The following AFTPH variants were observed in gnomAD, a reference collection of about 807,000 sequenced individuals.
The protein encoded by AFTPH is aftiphilin, also known as aftiphilin protein.
AFTPH carries 7 observed loss-of-function variants against 72.5 expected under a neutral mutation model. That is an observed-to-expected ratio of 0.10 (90% CI 0.05 to 0.18). The LOEUF is 0.18. Ranked by LOEUF, AFTPH falls within the 10% of genes least tolerant of loss-of-function variation. The probability of loss-of-function intolerance (pLI) is 1.00; values close to 1 mark genes in which losing one functional copy is unlikely to be tolerated. For synonymous variants in AFTPH, 337 were observed against 370.1 expected (o/e 0.91, Z 1.03); for missense variants, 979 against 1,060.5 (o/e 0.92, Z 1.07).
intron 1 of AFTPH, among the ~76,000 whole-genome samples, chr2:64,546,908 G>T (rs1670668885): frequency 6.6e-6 from 1 of 151,958 alleles, no homozygotes; most frequent in South Asian, 2.1e-4. Flanking sequence ...AATTAGCCAG[G>T]CGTGGTGGCA....
intron 1 of AFTPH, among the ~76,000 whole-genome samples, chr2:64,536,886 G>C (rs1375823321): frequency 2.0e-5 from 3 of 147,236 alleles, no homozygotes; most frequent in Admixed American, 6.9e-5. Context: ...CCAGGAGGCA[G>C]AGGCAGCAGT....
At chr2:64,567,765 T>C (rs771392458) in intron 3 of AFTPH, 52 bp downstream of exon 3, 4 of 1,558,964 alleles carry the variant, frequency 2.6e-6, no homozygotes, top group Non-Finnish European at 8.7e-7. Flanking sequence ...TTTTTAGTAG[T>C]TCTAATTTAT....
At chr2:64,579,582 A>G (rs1673044031) in intron 7 of AFTPH, 36 bp downstream of exon 7, 3 of 1,574,154 alleles carry the variant, frequency 1.9e-6, no homozygotes, top group Non-Finnish European at 2.6e-6. Flanking sequence ...CACCAGAGCT[A>G]GAGTTAAGAA....
At chr2:64,581,528 T>TA (rs1257443351) in intron 7 of AFTPH, among the ~76,000 whole-genome samples, 1 of 152,212 alleles carries the variant, frequency 6.6e-6, no homozygotes, top group African/African-American at 2.4e-5. Context: ...CTTAGACAGT[T>TA]AAAGGCAGGG....
intron 1 of AFTPH, among the ~76,000 whole-genome samples, chr2:64,542,784 T>G (rs1670334954): frequency 6.7e-6 from 1 of 149,444 alleles, no homozygotes; most frequent in South Asian, 2.2e-4. Flanking sequence ...CAGTGACCTT[T>G]TAAAATATAG....
intron 7 of AFTPH, 77 bp from the exon 8 acceptor site, chr2:64,581,113 C>T: frequency 1.1e-6 from 1 of 946,954 alleles, no homozygotes; most frequent in Non-Finnish European, 1.6e-6. Context: ...GTGTCTTACC[C>T]CTTTTTACAC....
intron 2 of AFTPH, among the ~76,000 whole-genome samples, chr2:64,564,469 G>A (rs1573001455): frequency 6.6e-6 from 1 of 151,916 alleles, no homozygotes; most frequent in Admixed American, 6.6e-5. Context: ...CAGAAACTGG[G>A]CAGAAATGGT....
intron 6 of AFTPH, among the ~76,000 whole-genome samples, chr2:64,573,644 G>A (rs1437532074): frequency 6.6e-6 from 1 of 152,074 alleles, no homozygotes; most frequent in Non-Finnish European, 1.5e-5. Context: ...AACAATCTAT[G>A]GATTAGGAAA....
chr2:64,553,143 G>A, exon 2 of AFTPH: 5 of 1,614,184 alleles, frequency 3.1e-6, no homozygotes, highest in Middle Eastern at 1.6e-4. Context: ...AGACTCTGAT[G>A]ATTTTGCAGA....
chr2:64,579,651 T>A, intron 7 of AFTPH, 105 bp downstream of exon 7: 2 of 1,019,468 alleles, frequency 2.0e-6, no homozygotes, highest in Non-Finnish European at 2.9e-6. Flanking sequence ...TGAACATAAC[T>A]TATTCTTATC....
chr2:64,542,399 A>C (rs538986733), intron 1 of AFTPH, among the ~76,000 whole-genome samples: 1 of 152,206 alleles, frequency 6.6e-6, no homozygotes, highest in Non-Finnish European at 1.5e-5. Flanking sequence ...TTCCATCCCA[A>C]CCAAGCACCT....
At chr2:64,577,375 C>T (rs574071823) in intron 6 of AFTPH, among the ~76,000 whole-genome samples, 1 of 151,770 alleles carries the variant, frequency 6.6e-6, no homozygotes, top group South Asian at 2.1e-4. Flanking sequence ...AATGTCGATT[C>T]GTGTTTATCA....
chr2:64,574,808 C>T (rs554623642), intron 6 of AFTPH, among the ~76,000 whole-genome samples: 58 of 152,328 alleles, frequency 3.8e-4, no homozygotes, highest in Non-Finnish European at 7.4e-4. Context: ...CTTAATTTTG[C>T]TGCCCTGATA....
chr2:64,581,643 A>G (rs1359051192), intron 7 of AFTPH, among the ~76,000 whole-genome samples: 3 of 122,878 alleles, frequency 2.4e-5, no homozygotes, highest in Admixed American at 7.1e-5. Flanking sequence ...GTTTAGAGAT[A>G]GATAGAATAT....
chr2:64,560,060 ATAAAT>A (rs1671624718), intron 2 of AFTPH, among the ~76,000 whole-genome samples: 1 of 152,222 alleles, frequency 6.6e-6, no homozygotes, highest in Non-Finnish European at 1.5e-5. Context: ...AAGTTGACAC[ATAAAT>A]TTAACCATCA....
intron 1 of AFTPH, among the ~76,000 whole-genome samples, chr2:64,549,656 CAG>C (rs1259509215): frequency 6.6e-6 from 1 of 151,788 alleles, no homozygotes; most frequent in Non-Finnish European, 1.5e-5. Flanking sequence ...CTCCTCAGCA[CAG>C]AGGAATAGAA....
chr2:64,558,874 T>TCA (rs1558613397), intron 2 of AFTPH, among the ~76,000 whole-genome samples: 3 of 152,066 alleles, frequency 2.0e-5, no homozygotes, highest in Non-Finnish European at 4.4e-5. Context: ...CAGGGCACAC[T>TCA]CACACACACA....
chr2:64,549,308 CTTTTTTTTTTTTTTT>C lies in AFTPH; in HGVS notation c.-32-2119_-32-2105del, dbSNP rs34951706. 6.2e-4 allele frequency among the ~76,000 whole-genome samples: 35 copies of C among 56,034 alleles called. 1 individual carries two copies. In the South Asian group the frequency reaches 0.024, roughly 38 times the overall value. The allele number at this position is 56,034 out of a possible 152,430, so 36.8% of individuals were successfully genotyped here. ...CTAGGACTTTGGCTGTTAGTCCTCC[CTTTTTTTTTTTTTTT>C]TTTTTTTTTTTTTTTGAAACCGAGT... is the stretch of plus-strand genomic sequence containing the variant. On this transcript the variant is annotated intron_variant, in intron 1 of 8. Transcript: ENST00000238856.
chr2:64,578,190 G>A (rs2104160961), intron 6 of AFTPH, among the ~76,000 whole-genome samples: 1 of 151,716 alleles, frequency 6.6e-6, no homozygotes, highest in South Asian at 2.1e-4. Context: ...CATGGAGTTA[G>A]ACTTTACAAA....
Sources: gnomAD v4.1 joint callset for allele counts (sites outside exome capture counted in the v4.1 genomes callset) on GRCh38, gnomAD v4.1.1 for gene constraint, MANE v1.5 for transcripts, NCBI Gene and HGNC (gene_info 2026-07-23, HGNC 2026-07-21) for gene names.